Variants in RUNX1 observed in about 807,000 individuals in gnomAD.
RUNX1 encodes RUNX family transcription factor 1.
A neutral mutation model predicts 42.8 loss-of-function variants in RUNX1; 19 were observed. The observed-to-expected ratio is 0.44, with a 90% CI of 0.31 to 0.65. The LOEUF is 0.65. Among genes scored for constraint, RUNX1 ranks in the 30% least tolerant of loss-of-function variants. The probability of loss-of-function intolerance (pLI) is 0.07; values close to 1 mark genes in which losing one functional copy is unlikely to be tolerated. For missense variants in RUNX1, 528 were observed against 672.0 expected (o/e 0.79, Z 2.37); for synonymous variants, 271 against 289.4 (o/e 0.94, Z 0.64).
chr21:34,847,496 T>A (rs1354616675), intron 6 of RUNX1, among the ~76,000 whole-genome samples: 1 of 152,110 alleles, frequency 6.6e-6, no homozygotes, highest in African/African-American at 2.4e-5. Flanking sequence ...TTCTATTTTT[T>A]AATTATCTAA....
intron 2 of RUNX1, among the ~76,000 whole-genome samples, chr21:34,915,353 T>C (rs2058304866): frequency 1.3e-5 from 2 of 152,106 alleles, no homozygotes; most frequent in Admixed American, 6.5e-5. Flanking sequence ...GAGGTGTGTA[T>C]AGGAAGCACT....
chr21:35,017,397 A>G (rs2059167125), intron 2 of RUNX1, among the ~76,000 whole-genome samples: 1 of 152,076 alleles, frequency 6.6e-6, no homozygotes, highest in African/African-American at 2.4e-5. Flanking sequence ...GAGTGGGGGG[A>G]CAATTGCATC....
chr21:34,951,257 C>T (rs796408018), intron 2 of RUNX1, among the ~76,000 whole-genome samples: 3 of 152,324 alleles, frequency 2.0e-5, no homozygotes, highest in South Asian at 4.1e-4. Context: ...GCCCCTGTCA[C>T]TCAAACTTGA....
At chr21:34,906,738 G>C (rs2058223230) in intron 2 of RUNX1, among the ~76,000 whole-genome samples, 2 of 152,178 alleles carry the variant, frequency 1.3e-5, no homozygotes, top group African/African-American at 4.8e-5. Context: ...TTTTGCTTCT[G>C]AAGGGCAGCC....
Position 34,901,597 on chromosome 21 carries a change from G to A in RUNX1, c.59-8634C>T, listed in dbSNP as rs538025533. Among the ~76,000 whole-genome samples the A allele has an allele frequency of 6.6e-6, 1 of 152,294 alleles. No homozygotes were observed. The highest frequency in any genetic ancestry group is 2.1e-4 in the South Asian group (1 of 4,830). ...TGAAGACAGAGGTTAAGGGGCCAAC[G>A]TGTGGACCCTGGAAAGGGTGTGAGC... On this transcript the variant is annotated intron_variant, in intron 2 of 8. Coordinates refer to ENST00000675419, the MANE Select transcript of RUNX1 (RefSeq NM_001754.5). The surrounding 1 kb of genome is among the most constrained non-coding windows in gnomAD (Gnocchi z 4.3).
intron 2 of RUNX1, among the ~76,000 whole-genome samples, chr21:34,953,152 T>C (rs935299918): frequency 6.6e-6 from 1 of 152,146 alleles, no homozygotes; most frequent in Non-Finnish European, 1.5e-5. Context: ...AATCTACGTT[T>C]TACAGCATTA....
intron 3 of RUNX1, chr21:34,888,777 C>T (rs868674907): frequency 1.2e-6 from 1 of 807,290 alleles, no homozygotes. Flanking sequence ...ATAGGGGCGG[C>T]CGGCGGCCAA....
At chr21:34,961,049 G>T (rs1023729989) in intron 2 of RUNX1, among the ~76,000 whole-genome samples, 1 of 152,204 alleles carries the variant, frequency 6.6e-6, no homozygotes, top group Non-Finnish European at 1.5e-5. Flanking sequence ...TTAGTGACAA[G>T]ATTTTAACAA....
intron 2 of RUNX1, among the ~76,000 whole-genome samples, chr21:35,033,146 T>C (rs1464420106): frequency 1.3e-5 from 2 of 148,858 alleles, no homozygotes; most frequent in African/African-American, 5.0e-5. Context: ...CATTCAACTA[T>C]CTGTCCATCC....
At chr21:34,848,782 C>T (rs980767569) in intron 6 of RUNX1, among the ~76,000 whole-genome samples, 1 of 152,098 alleles carries the variant, frequency 6.6e-6, no homozygotes, top group Non-Finnish European at 1.5e-5. Context: ...GAGTAGTGTC[C>T]GAGAGGCGCG....
chr21:34,830,076 C>CAG (rs1050553907), intron 7 of RUNX1: 17 of 152,156 alleles, frequency 1.1e-4, no homozygotes, highest in African/African-American at 4.1e-4. Context: ...ATTAGCAAGA[C>CAG]AGAAGTTACT....
At chr21:35,017,156 C>T (rs145646139) in intron 2 of RUNX1, among the ~76,000 whole-genome samples, 1 of 152,244 alleles carries the variant, frequency 6.6e-6, no homozygotes, top group Non-Finnish European at 1.5e-5. Flanking sequence ...TGCACCCAGA[C>T]CTCCTCCACT....
intron 2 of RUNX1, among the ~76,000 whole-genome samples, chr21:34,991,572 GAT>G (rs1434566832): frequency 1.3e-5 from 2 of 152,012 alleles, no homozygotes; most frequent in African/African-American, 4.8e-5. Flanking sequence ...TGATGATGAT[GAT>G]GGTGATGATG....
intron 7 of RUNX1, chr21:34,821,493 G>A (rs745887248): frequency 3.9e-5 from 57 of 1,460,486 alleles, no homozygotes; most frequent in Non-Finnish European, 4.8e-5. Flanking sequence ...TTGTTACGAC[G>A]GTTTGCAGAG....
intron 2 of RUNX1, among the ~76,000 whole-genome samples, chr21:35,047,196 C>T (rs1315071433): frequency 6.6e-6 from 1 of 152,156 alleles, no homozygotes; most frequent in Non-Finnish European, 1.5e-5. Context: ...TGAGGGGGTA[C>T]TGAAAGCAGA....
intron 7 of RUNX1, among the ~76,000 whole-genome samples, chr21:34,823,593 G>A (rs1485094816): frequency 6.6e-6 from 1 of 151,888 alleles, no homozygotes; most frequent in Non-Finnish European, 1.5e-5. Flanking sequence ...ACAGGTGCCC[G>A]CCACCACACC....
chr21:34,909,883 C>A (rs932512123), intron 2 of RUNX1, among the ~76,000 whole-genome samples: 1 of 152,022 alleles, frequency 6.6e-6, no homozygotes, highest in African/African-American at 2.4e-5. Flanking sequence ...CCTCCAGTTC[C>A]TCTTTCCTTT....
chr21:34,888,383 A>G (rs936192398), intron 3 of RUNX1: 4 of 1,067,724 alleles, frequency 3.7e-6, no homozygotes, highest in Middle Eastern at 4.1e-4. Flanking sequence ...GCCTCGGACC[A>G]CAGAGCACTT....
intron 2 of RUNX1, among the ~76,000 whole-genome samples, chr21:35,023,566 A>C (rs2059214780): frequency 6.6e-6 from 1 of 152,030 alleles, no homozygotes; most frequent in South Asian, 2.1e-4. Context: ...GTTCAAGTTG[A>C]CCTGCGGGGC....
Sources: gnomAD v4.1 joint callset for allele counts (sites outside exome capture counted in the v4.1 genomes callset) on GRCh38, gnomAD v4.1.1 for gene constraint, Gnocchi (gnomAD v3.1) non-coding constraint, MANE v1.5 for transcripts, NCBI Gene and HGNC (gene_info 2026-07-23, HGNC 2026-07-21) for gene names.